The following RXFP1 variants were observed in gnomAD, a reference collection of about 807,000 sequenced individuals.
RXFP1 encodes the protein relaxin receptor 1.
RXFP1 carries 73 observed loss-of-function variants against 89.8 expected under a neutral mutation model. The ratio of observed to expected loss-of-function variants is 0.81; its 90% CI spans 0.67 to 0.99. The LOEUF is 0.99. Among genes scored for constraint, RXFP1 ranks in the 50% least tolerant of loss-of-function variants. The pLI, the probability that RXFP1 is intolerant of heterozygous loss-of-function variation, is 0.00. For missense variants in RXFP1, 793 were observed against 895.5 expected, an observed-to-expected ratio of 0.89 and a Z score of 1.46; for synonymous variants, 277 against 305.5, an observed-to-expected ratio of 0.91 and a Z score of 0.97.
rs5741905 is a variant in RXFP1 at position 158,527,564 on chromosome 4, A to AAATATATATATAT, written c.49+5540_49+5541insATATATATATATA. Among the ~76,000 whole-genome samples, 926 of 98,314 alleles carry AAATATATATATAT rather than the reference A, an allele frequency of 9.4e-3. 6 individuals are homozygous for AAATATATATATAT. Among genetic ancestry groups the AAATATATATATAT allele is most frequent in the Non-Finnish European group, 0.014 (714 of 50,420 alleles). The allele number at this position is 98,314 out of a possible 152,430, so 64.5% of individuals were successfully genotyped here. A position where few individuals can be genotyped will look rare whatever the true frequency, so the allele number is the denominator to read the frequency against. ...ATCTCCCCCGCTCCAAAAAAAAAAA[A>AAATATATATATAT]ATATATATATATATGTATATATATA... On this transcript the variant is annotated intron_variant, in intron 1 of 17. Coordinates refer to ENST00000307765, the MANE Select transcript of RXFP1 (RefSeq NM_021634.4).
intron 1 of RXFP1, among the ~76,000 whole-genome samples, chr4:158,571,109 TTTTC>T (rs1323179660): frequency 6.6e-6 from 1 of 152,208 alleles, no homozygotes; most frequent in Non-Finnish European, 1.5e-5. Context: ...ACATCACCTG[TTTTC>T]TTTCTTTTTG....
chr4:158,611,985 C>A, intron 6 of RXFP1, 145 bp from the exon 7 acceptor site: 1 of 626,142 alleles, frequency 1.6e-6, no homozygotes, highest in East Asian at 2.8e-5. Flanking sequence ...TAAGTGGTAG[C>A]AATTCTTAGA....
At chr4:158,559,094 C>T (rs1398611161) in intron 1 of RXFP1, among the ~76,000 whole-genome samples, 3 of 152,148 alleles carry the variant, frequency 2.0e-5, no homozygotes, top group African/African-American at 7.2e-5. Context: ...ACATATTTAA[C>T]AAAGTTATAT....
At chr4:158,596,147 G>A (rs541215538) in intron 3 of RXFP1, among the ~76,000 whole-genome samples, 27 of 151,732 alleles carry the variant, frequency 1.8e-4, no homozygotes, top group African/African-American at 6.3e-4. Flanking sequence ...TTTGGGAAAG[G>A]AAAACGTTAA....
rs542730988 is a variant in RXFP1 at position 158,549,244 on chromosome 4, G to A, written c.50-23454G>A. On this transcript the variant is annotated intron_variant, in intron 1 of 17. Coordinates refer to ENST00000307765, the MANE Select transcript of RXFP1 (RefSeq NM_021634.4). The stretch of plus-strand genomic sequence containing the variant: ...ACCCTTTCTTCCAGTTGATCGCATC[G>A]GCTCCTGAGGCTTCTGCATTCTTCA... Among the ~76,000 whole-genome samples the A allele has an allele frequency of 1.5e-3, 228 of 151,758 alleles. 1 individual carries two copies. Among genetic ancestry groups the A allele is most frequent in the African/African-American group, 4.5e-3 (187 of 41,356 alleles).
intron 1 of RXFP1, among the ~76,000 whole-genome samples, chr4:158,538,920 T>G (rs1378370730): frequency 3.3e-5 from 5 of 152,070 alleles, no homozygotes; most frequent in African/African-American, 1.2e-4. Flanking sequence ...CAGATGTGCA[T>G]CCAACCCATG....
At chr4:158,646,736 T>C (rs115235817) in intron 15 of RXFP1, 55 bp from the exon 16 acceptor site, 31,235 of 1,492,724 alleles carry the variant, frequency 0.021, 364 homozygotes, top group Middle Eastern at 0.025. Flanking sequence ...TGCTTATTGA[T>C]GATTTTATGA....
intron 1 of RXFP1, among the ~76,000 whole-genome samples, chr4:158,546,620 A>G (rs1364350185): frequency 6.6e-6 from 1 of 152,130 alleles, no homozygotes; most frequent in South Asian, 2.1e-4. Flanking sequence ...TTTGAGATAC[A>G]TCCCATCGAT....
upstream of RXFP1, chr4:158,521,716 G>A (rs1464091302): frequency 4.2e-6 from 2 of 475,152 alleles, no homozygotes; most frequent in Admixed American, 4.0e-5. Flanking sequence ...GCGCACGCGT[G>A]CGTGTGTGTA....
intron 11 of RXFP1, among the ~76,000 whole-genome samples, chr4:158,630,594 T>A (rs1456362642): frequency 6.6e-6 from 1 of 152,176 alleles, no homozygotes; most frequent in Non-Finnish European, 1.5e-5. Context: ...AAGGGCTTAG[T>A]GCATAACCAA....
intron 1 of RXFP1, among the ~76,000 whole-genome samples, chr4:158,572,171 G>C (rs1054709501): frequency 3.3e-5 from 5 of 152,124 alleles, no homozygotes; most frequent in African/African-American, 1.2e-4. Flanking sequence ...CTCATCATGA[G>C]GAAACTTTTT....
intron 2 of RXFP1, among the ~76,000 whole-genome samples, chr4:158,579,656 C>T (rs1415381191): frequency 6.6e-6 from 1 of 152,152 alleles, no homozygotes; most frequent in Non-Finnish European, 1.5e-5. Flanking sequence ...TGGAGAAGGG[C>T]CATCTTCTGT....
chr4:158,606,747 C>A (rs1032432966), intron 5 of RXFP1, among the ~76,000 whole-genome samples: 2 of 150,346 alleles, frequency 1.3e-5, no homozygotes, highest in African/African-American at 2.4e-5. Context: ...CCACACCTGG[C>A]TCCTTTTTTT....
intron 1 of RXFP1, among the ~76,000 whole-genome samples, chr4:158,559,304 C>CA (rs957953394): frequency 6.6e-6 from 1 of 151,878 alleles, no homozygotes; most frequent in African/African-American, 2.4e-5. Flanking sequence ...ACCCTTTCTC[C>CA]AAAAAAATAA....
intron 8 of RXFP1, among the ~76,000 whole-genome samples, chr4:158,613,351 TG>T (rs1012910684): frequency 1.3e-5 from 2 of 152,254 alleles, no homozygotes; most frequent in Non-Finnish European, 2.9e-5. Context: ...GATTTCTCTA[TG>T]GTATGCAATG....
intron 2 of RXFP1, among the ~76,000 whole-genome samples, chr4:158,583,407 GTTTGTCTTGTTTTC>G (rs1757739276): frequency 6.6e-6 from 1 of 152,154 alleles, no homozygotes; most frequent in Non-Finnish European, 1.5e-5. Context: ...AAAGTTGGTG[GTTTGTCTTGTTTTC>G]AAGTTAAAAA....
intron 8 of RXFP1, among the ~76,000 whole-genome samples, chr4:158,616,832 C>G (rs1764678509): frequency 1.3e-5 from 2 of 151,614 alleles, no homozygotes; most frequent in Admixed American, 1.3e-4. Context: ...AACCCCGCCT[C>G]TACTAAAAAT....
At chr4:158,571,594 G>A (rs186975429) in intron 1 of RXFP1, among the ~76,000 whole-genome samples, 145 of 152,210 alleles carry the variant, frequency 9.5e-4, no homozygotes, top group African/African-American at 3.1e-3. Flanking sequence ...CCTGGGAGGC[G>A]GAGGTTGCAG....
At chr4:158,524,422 C>T (rs1280110872) in intron 1 of RXFP1, among the ~76,000 whole-genome samples, 2 of 152,172 alleles carry the variant, frequency 1.3e-5, no homozygotes, top group Non-Finnish European at 2.9e-5. Context: ...TTAAAGTAAG[C>T]ATGGTCCCTG....
Sources: gnomAD v4.1 joint callset for allele counts (sites outside exome capture counted in the v4.1 genomes callset) on GRCh38, gnomAD v4.1.1 for gene constraint, MANE v1.5 for transcripts, NCBI Gene and HGNC (gene_info 2026-07-23, HGNC 2026-07-21) for gene names.